The following FREM2 variants were observed in gnomAD, a reference collection of about 807,000 sequenced individuals.
FREM2 encodes FRAS1 related extracellular matrix 2, also known as FRAS1-related extracellular matrix protein 2.
A neutral mutation model predicts 219.9 loss-of-function variants in FREM2; 119 were observed. The observed-to-expected ratio is 0.54, with a 90% confidence interval of 0.47 to 0.63. The LOEUF (loss-of-function observed/expected upper bound fraction) is 0.63, where lower values mean the gene tolerates loss of function less well. FREM2 is among the 30% of genes least tolerant of loss of function. The pLI, the probability that FREM2 is intolerant of heterozygous loss-of-function variation, is 0.00. For missense variants in FREM2, 4,030 were observed against 3,993.6 expected, an observed-to-expected ratio of 1.01 and a Z score of -0.25; for synonymous variants, 1,562 against 1,522.8, an observed-to-expected ratio of 1.03 and a Z score of -0.60.
chr13:38,697,937 C>T, intron 2 of FREM2, 150 bp downstream of exon 2: 1 of 696,632 alleles, frequency 1.4e-6, no homozygotes, highest in East Asian at 2.7e-5. Flanking sequence ...ATTTTACAAT[C>T]TCACTATGAC....
intron 8 of FREM2, among the ~76,000 whole-genome samples, chr13:38,848,904 GA>G (rs1877266759): frequency 6.6e-6 from 1 of 152,104 alleles, no homozygotes; most frequent in Non-Finnish European, 1.5e-5. Context: ...GGCTGTCAGG[GA>G]AGGAGGTTCC....
Position 38,769,693 on chromosome 13 carries a change from G to A in FREM2, c.5526G>A (p.Leu1842=), listed in dbSNP as rs1480478831. The change falls in exon 4 of 24, where the codon CTG becomes CTA. Residue 1842 remains leucine (L), a synonymous_variant. Transcript: ENST00000280481. ...GGGCCACATGGCGAGTGCGGATCCTGAGTGATGGGGAGCATGAGCAGTCTG... is the reference window on the plus strand; with the variant it reads ...GGGCCACATGGCGAGTGCGGATCCTAAGTGATGGGGAGCATGAGCAGTCTG... ...QTRATWRVRI[L]SDGEHEQSET... 1 of 1,614,134 alleles carries A rather than the reference G, an allele frequency of 6.2e-7. No homozygotes were observed. The highest frequency in any genetic ancestry group is 8.5e-7 in the Non-Finnish European group (1 of 1,180,002).
At chr13:38,810,988 T>C (rs1875453248) in intron 6 of FREM2, among the ~76,000 whole-genome samples, 1 of 152,058 alleles carries the variant, frequency 6.6e-6, no homozygotes, top group Non-Finnish European at 1.5e-5. Flanking sequence ...AATCTTGTTA[T>C]TAATCTCTTC....
chr13:38,831,090 T>A (rs1384441639), intron 6 of FREM2, among the ~76,000 whole-genome samples: 2 of 152,180 alleles, frequency 1.3e-5, no homozygotes, highest in Non-Finnish European at 2.9e-5. Context: ...AACTGTAAAT[T>A]GCACCTCACT....
chr13:38,729,606 A>G (rs903594485), intron 2 of FREM2, among the ~76,000 whole-genome samples: 1 of 152,174 alleles, frequency 6.6e-6, no homozygotes, highest in African/African-American at 2.4e-5. Flanking sequence ...ACCAAAAAAT[A>G]CTTCTTTAAA....
At chr13:38,721,875 C>T (rs987704757) in intron 2 of FREM2, among the ~76,000 whole-genome samples, 1 of 152,170 alleles carries the variant, frequency 6.6e-6, no homozygotes. Flanking sequence ...ATGGCTGTTT[C>T]TGTCCTTCCT....
intron 3 of FREM2, among the ~76,000 whole-genome samples, chr13:38,768,773 T>C (rs2137813963): frequency 6.6e-6 from 1 of 152,306 alleles, no homozygotes; most frequent in African/African-American, 2.4e-5. Context: ...TTCACTGCTT[T>C]TGGATAATGT....
At chr13:38,780,122 T>C (rs911566555) in intron 4 of FREM2, among the ~76,000 whole-genome samples, 2 of 152,216 alleles carry the variant, frequency 1.3e-5, no homozygotes, top group Non-Finnish European at 2.9e-5. Flanking sequence ...CTGACATCCA[T>C]GATTCTATAC....
At chr13:38,757,564 G>A (rs868647397) in intron 2 of FREM2, among the ~76,000 whole-genome samples, 20 of 151,700 alleles carry the variant, frequency 1.3e-4, no homozygotes, top group Non-Finnish European at 1.3e-4. Context: ...TTCCCTCTAC[G>A]TCCTGGGTCT....
chr13:38,868,486 A>G (rs1878048505), intron 16 of FREM2, among the ~76,000 whole-genome samples: 1 of 152,252 alleles, frequency 6.6e-6, no homozygotes, highest in Non-Finnish European at 1.5e-5. Context: ...TAAACACATC[A>G]TAATGCTTAT....
chr13:38,739,293 T>A (rs1411367836), intron 2 of FREM2, among the ~76,000 whole-genome samples: 1 of 152,178 alleles, frequency 6.6e-6, no homozygotes, highest in Non-Finnish European at 1.5e-5. Context: ...CTCCATGGAT[T>A]TAATAACTTA....
Position 38,861,527 on chromosome 13 carries a change from T to G in FREM2, c.7616T>G (p.Leu2539Arg), listed in dbSNP as rs764256362. 6.2e-7 allele frequency: 1 copy of G among 1,606,880 alleles called. No individual in the cohort carries two copies. The highest frequency in any genetic ancestry group is 1.1e-5 in the South Asian group (1 of 90,890). Residue 2539 changes from leucine to arginine, a missense_variant, in exon 15 of 24, where the codon CTT becomes CGT. Physicochemically the swap from Leu to Arg is moderately radical, Grantham distance 102. Around this residue, in one of 2 missense-constraint regions of FREM2, gnomAD observed 928 missense variants for 1,042.9 expected, o/e 0.89. Transcript: ENST00000280481. ...CCTGAGGATGCAGACTACACAAACC[T>G]TATCAAGCTCACTGTCACAATGCCA... The part of the protein sequence containing the change: ...TGPEDADYTN[L>R]IKLTVTMPHI...
At chr13:38,722,090 G>A (rs1053013823) in intron 2 of FREM2, among the ~76,000 whole-genome samples, 3 of 152,102 alleles carry the variant, frequency 2.0e-5, no homozygotes, top group African/African-American at 7.2e-5. Context: ...CACAATCATA[G>A]CTCACTGTAA....
In FREM2 at chr13:38,729,185, A is replaced by AT. The variant is rs145017809; in HGVS notation, c.5263+31408dup. On this transcript the variant is annotated intron_variant, in intron 2 of 23. Transcript: ENST00000280481. ...TTCTCATACTTATTTGATCACTGGCATTTTTTTTTTCAAATAACACCAATT... is the reference window on the plus strand; with the variant it reads ...TTCTCATACTTATTTGATCACTGGCATTTTTTTTTTTCAAATAACACCAATT... 7.1e-3 allele frequency among the ~76,000 whole-genome samples: 1,060 copies of AT among 149,150 alleles called. 11 individuals carry two copies. The highest frequency in any genetic ancestry group is 0.023 in the African/African-American group (933 of 40,734).
intron 2 of FREM2, among the ~76,000 whole-genome samples, chr13:38,741,038 A>G (rs894254003): frequency 2.0e-5 from 3 of 152,192 alleles, no homozygotes; most frequent in African/African-American, 4.8e-5. Flanking sequence ...TTTGCTTTAT[A>G]CTCATTGATT....
Position 38,880,995 on chromosome 13 carries a change from CAAA to C in FREM2, c.*209_*211del. The C allele has an allele frequency of 1.5e-6, 1 of 646,800 alleles. No homozygotes were observed. Among genetic ancestry groups the C allele is most frequent in the Non-Finnish European group, 2.7e-6 (1 of 366,130 alleles). 40.1% of individuals were successfully genotyped at this position (646,800 alleles called of 1,614,324 possible). A position where few individuals can be genotyped will look rare whatever the true frequency, so the allele number is the denominator to read the frequency against. On this transcript the variant is annotated 3_prime_UTR_variant, in exon 24 of 24. Transcript: ENST00000280481. Reference sequence around the variant, plus strand: ...AATTAAGGCATCTTTCCTCTTGCCCCAAAGGCAGCAACAACGTACTCATATGTA... The same window carrying C: ...AATTAAGGCATCTTTCCTCTTGCCCCGGCAGCAACAACGTACTCATATGTA...
At chr13:38,757,240 C>T (rs1041949477) in intron 2 of FREM2, among the ~76,000 whole-genome samples, 1 of 152,134 alleles carries the variant, frequency 6.6e-6, no homozygotes, top group African/African-American at 2.4e-5. Context: ...CATATCATGT[C>T]CTCAAGGAAC....
chr13:38,734,230 A>G (rs1010184812), intron 2 of FREM2, among the ~76,000 whole-genome samples: 1 of 152,054 alleles, frequency 6.6e-6, no homozygotes, highest in Non-Finnish European at 1.5e-5. Context: ...ACAAAATAAC[A>G]TGTGTTACCC....
intron 6 of FREM2, among the ~76,000 whole-genome samples, chr13:38,805,489 G>C (rs1163154907): frequency 2.6e-5 from 4 of 152,082 alleles, no homozygotes; most frequent in Admixed American, 2.6e-4. Context: ...AGAGCTACCT[G>C]CAGGGCATGC....
Sources: gnomAD v4.1 joint callset for allele counts (sites outside exome capture counted in the v4.1 genomes callset) on GRCh38, gnomAD v4.1.1 for gene constraint, gnomAD v4.1.1 regional missense constraint, MANE v1.5 for transcripts, NCBI Gene and HGNC (gene_info 2026-07-23, HGNC 2026-07-21) for gene names.